C4orf33: variants seen among roughly 807,000 people sequenced by gnomAD.
C4orf33 encodes UPF0462 protein C4orf33.
A neutral mutation model predicts 24.3 loss-of-function variants in C4orf33; 20 were observed. The observed-to-expected ratio is 0.82, with a 90% CI of 0.58 to 1.19. The LOEUF (loss-of-function observed/expected upper bound fraction) is 1.19, where lower values mean the gene tolerates loss of function less well. Among genes scored for constraint, C4orf33 ranks in the 50% most tolerant of loss-of-function variants. The pLI is 0.00. For missense variants in C4orf33, 207 were observed against 225.9 expected, an observed-to-expected ratio of 0.92 and a Z score of 0.54; for synonymous variants, 67 against 76.4, an observed-to-expected ratio of 0.88 and a Z score of 0.64.
intron 2 of C4orf33, among the ~76,000 whole-genome samples, chr4:129,104,758 G>GT (rs56141111): frequency 0.71 from 107,473 of 151,902 alleles, 40,444 homozygotes; most frequent in South Asian, 0.89. Context: ...CTAAACATCT[G>GT]TTTCTATTTT....
chr4:129,109,170 A>C (rs67874014), intron 3 of C4orf33, 137 bp from the exon 4 acceptor site: 2 of 943,246 alleles, frequency 2.1e-6, no homozygotes, highest in Non-Finnish European at 3.4e-6. Flanking sequence ...TTACAGGCGT[A>C]AGCCACCATG....
chr4:129,110,050 G>T, intron 5 of C4orf33: 1 of 1,008,222 alleles, frequency 9.9e-7, no homozygotes, highest in Non-Finnish European at 1.2e-6. Context: ...CCTGTTACAA[G>T]GAAATCTAAT....
chr4:129,095,426 A>C (rs536931423), upstream of C4orf33, among the ~76,000 whole-genome samples: 2 of 152,322 alleles, frequency 1.3e-5, no homozygotes, highest in African/African-American at 4.8e-5. Context: ...GGAATGAAAG[A>C]ATTCAGTGGA....
rs1753703271 is a variant in C4orf33 at position 129,112,011 on chromosome 4, A to G, written c.*220A>G. ...CATCTGTAAAGTCACAATGTTTCTC[A>G]GAGTCACTTAGTCCAGGATGTTGCA... On this transcript the variant is annotated 3_prime_UTR_variant, in exon 6 of 6. Transcript: ENST00000425929. 4.9e-6 allele frequency: 2 copies of G among 409,644 alleles called. No homozygotes were observed. Among genetic ancestry groups the G allele is most frequent in the African/African-American group, 2.0e-5 (1 of 48,788 alleles). The allele number at this position is 409,644 out of a possible 1,614,324, so 25.4% of individuals were successfully genotyped here.
At chr4:129,109,211 A>G in intron 3 of C4orf33, 96 bp from the exon 4 acceptor site, 2 of 1,241,976 alleles carry the variant, frequency 1.6e-6, no homozygotes, top group East Asian at 4.7e-5. Context: ...TATTTGGAAA[A>G]TTAGTTGCAA....
chr4:129,103,115 G>T (rs534094807), intron 2 of C4orf33: 1 of 169,106 alleles, frequency 5.9e-6, no homozygotes, highest in Admixed American at 6.4e-5. Context: ...CACGTCCTGG[G>T]TTCATGCCAT....
chr4:129,102,948 T>G (rs746645408), intron 2 of C4orf33, 157 bp downstream of exon 2: 19 of 564,318 alleles, frequency 3.4e-5, no homozygotes, highest in Non-Finnish European at 5.3e-5. Flanking sequence ...TTCTGACTTT[T>G]TCTCCATTAC....
rs1317484095 is a variant in C4orf33 at position 129,109,635 on chromosome 4, C to T, written c.457C>T (p.Pro153Ser). 2 of 1,613,808 alleles carry T rather than the reference C, an allele frequency of 1.2e-6. No individual in the cohort carries two copies. The highest frequency in any genetic ancestry group is 1.7e-5 in the Admixed American group (1 of 60,000). ...AAGTTATGAAGCTCTTTACCCTGTA[C>T]CTCAGCATGAACTGCAGCAAGGACA... ...KRSYEALYPV[P>S]QHELQQGQKP... The change falls in exon 5 of 6, where the codon CCT becomes TCT. Residue 153 changes from proline (P) to serine (S), a missense_variant. Pro to Ser is a moderately conservative substitution (Grantham distance 74). Coordinates refer to ENST00000425929, the MANE Select transcript of C4orf33 (RefSeq NM_001099783.2).
rs1753728880 is a variant in C4orf33 at position 129,113,462 on chromosome 4, G to A, written c.*1671G>A. Reference sequence around the variant, plus strand: ...GTATCCAAGAAACTTTTATTTGAGAGTGGGTGTTTGTAATAGCCATTTCAA... The same window carrying A: ...GTATCCAAGAAACTTTTATTTGAGAATGGGTGTTTGTAATAGCCATTTCAA... On this transcript the variant is annotated 3_prime_UTR_variant, in exon 6 of 6. Transcript: ENST00000425929. 1 of 152,218 alleles carries A rather than the reference G, an allele frequency of 6.6e-6. No homozygotes were observed. Among genetic ancestry groups the A allele is most frequent in the Non-Finnish European group, 1.5e-5 (1 of 68,034 alleles). 9.4% of individuals were successfully genotyped at this position (152,218 alleles called of 1,614,324 possible). A position where few individuals can be genotyped will look rare whatever the true frequency, so the allele number is the denominator to read the frequency against.
intron 5 of C4orf33, 38 bp downstream of exon 5, chr4:129,109,710 C>T (rs372176189): frequency 4.0e-5 from 62 of 1,535,888 alleles, no homozygotes; most frequent in Non-Finnish European, 5.0e-5. Flanking sequence ...TCCAAATACA[C>T]GAGTTTTTTC....
At chr4:129,095,964 A>G (rs374970772), upstream of C4orf33, among the ~76,000 whole-genome samples, 1 of 152,196 alleles carries the variant, frequency 6.6e-6, no homozygotes, top group Non-Finnish European at 1.5e-5. Flanking sequence ...CACAGTATTT[A>G]TATTTCTGAA....
intron 3 of C4orf33, among the ~76,000 whole-genome samples, chr4:129,107,646 T>G (rs151299595): frequency 0.011 from 1,646 of 152,182 alleles, 15 homozygotes; most frequent in Middle Eastern, 0.051. Flanking sequence ...ACATTTCAAC[T>G]AACATGCCAA....
intron 5 of C4orf33, 75 bp downstream of exon 5, chr4:129,109,747 T>G: frequency 2.4e-6 from 3 of 1,241,192 alleles, no homozygotes; most frequent in African/African-American, 1.5e-5. Context: ...GGAGCAGAAG[T>G]AACACTTTTG....
intron 5 of C4orf33, among the ~76,000 whole-genome samples, 189 bp from the exon 6 acceptor site, chr4:129,111,497 A>T (rs1396571236): frequency 1.3e-5 from 2 of 152,234 alleles, no homozygotes; most frequent in East Asian, 1.9e-4. Flanking sequence ...ATGCAGGTGA[A>T]TGTTTTCAGA....
In C4orf33 at chr4:129,098,470, G is replaced by A. The variant is rs116093372; in HGVS notation, c.-10+2261G>A. Among the ~76,000 whole-genome samples, 1,205 of 152,290 alleles carry A rather than the reference G, an allele frequency of 7.9e-3. 14 individuals are homozygous for A. Among genetic ancestry groups the A allele is most frequent in the African/African-American group, 0.028 (1,155 of 41,558 alleles). The stretch of plus-strand genomic sequence containing the variant: ...AATTTGCTTAGAATAATAGCCTCCA[G>A]CTGCATCCATGTTAGTTTTGCTATA... On this transcript the variant is annotated intron_variant, in intron 1 of 5. Coordinates refer to ENST00000425929, the MANE Select transcript of C4orf33 (RefSeq NM_001099783.2).
At chr4:129,097,294 A>C (rs1249887735) in intron 1 of C4orf33, among the ~76,000 whole-genome samples, 1 of 152,344 alleles carries the variant, frequency 6.6e-6, no homozygotes, top group African/African-American at 2.4e-5. Context: ...TTAAAAAGTG[A>C]TGAAGTTGAA....
chr4:129,116,450 C>T lies in C4orf33; in HGVS notation c.*4659C>T, dbSNP rs1275804951. The T allele has an allele frequency of 2.0e-5, 3 of 152,122 alleles. No individual in the cohort carries two copies. Among genetic ancestry groups the T allele is most frequent in the African/African-American group, 7.2e-5 (3 of 41,428 alleles). The allele number at this position is 152,122 out of a possible 1,614,324, so 9.4% of individuals were successfully genotyped here. A position where few individuals can be genotyped will look rare whatever the true frequency, so the allele number is the denominator to read the frequency against. On this transcript the variant is annotated 3_prime_UTR_variant, in exon 6 of 6. Coordinates refer to ENST00000425929, the MANE Select transcript of C4orf33 (RefSeq NM_001099783.2). ...TTTATTTTCTTTTGGCAGCCTATCA[C>T]CTGTAATTTCCGTTAAACAGCATTT...
chr4:129,109,280 A>G, intron 3 of C4orf33, 27 bp from the exon 4 acceptor site: 1 of 1,601,138 alleles, frequency 6.2e-7, no homozygotes, highest in South Asian at 1.1e-5. Context: ...TTTTTCAAAC[A>G]CTCATGAGGA....
intron 5 of C4orf33, among the ~76,000 whole-genome samples, chr4:129,110,825 C>T (rs766925980): frequency 6.6e-6 from 1 of 151,714 alleles, no homozygotes; most frequent in Non-Finnish European, 1.5e-5. Context: ...TCTTTTTTCC[C>T]CTTCCTTTTT....
Sources: gnomAD v4.1 joint callset for allele counts (sites outside exome capture counted in the v4.1 genomes callset) on GRCh38, gnomAD v4.1.1 for gene constraint, MANE v1.5 for transcripts, NCBI Gene and HGNC (gene_info 2026-07-23, HGNC 2026-07-21) for gene names.